The following TSPAN2 variants were observed in gnomAD, a reference collection of about 807,000 sequenced individuals.
The protein encoded by TSPAN2 is tetraspanin-2.
TSPAN2 carries 24 observed loss-of-function variants against 33.3 expected under a neutral mutation model. That is an observed-to-expected ratio of 0.72 (90% CI 0.52 to 1.01). TSPAN2 has a LOEUF of 1.01. Ranked by LOEUF, TSPAN2 falls within the 50% of genes least tolerant of loss-of-function variation. The pLI is 0.00. For missense variants in TSPAN2, 278 were observed against 281.3 expected, an observed-to-expected ratio of 0.99 and a Z score of 0.08; for synonymous variants, 114 against 104.5, an observed-to-expected ratio of 1.09 and a Z score of -0.56.
chr1:115,079,871 T>C (rs1474279370), intron 1 of TSPAN2, among the ~76,000 whole-genome samples: 1 of 152,228 alleles, frequency 6.6e-6, no homozygotes, highest in Non-Finnish European at 1.5e-5. Context: ...GAGTATATTT[T>C]ATAATTGACC....
Position 115,058,910 on chromosome 1 carries a change from A to G in TSPAN2, c.417T>C (p.Asn139=), listed in dbSNP as rs1209718546. The part of the protein sequence containing the change: ...NDYLKDRGKG[N]GTLITFHSTF... ...TTGAGTGGAAGGTGATGAGTGTCCC[A>G]TTGCCTTTTCCCCTGTCTTTAAGGT... The change falls in exon 5 of 8, where the codon AAT becomes AAC. Residue 139 remains asparagine (N), a synonymous_variant. Coordinates refer to ENST00000369516, the MANE Select transcript of TSPAN2 (RefSeq NM_005725.6). 6 of 1,613,814 alleles carry G rather than the reference A, an allele frequency of 3.7e-6. No homozygotes were observed. The highest frequency in any genetic ancestry group is 1.7e-5 in the Admixed American group (1 of 59,982).
At chr1:115,065,918 G>A (rs575748788) in intron 2 of TSPAN2, among the ~76,000 whole-genome samples, 4 of 151,860 alleles carry the variant, frequency 2.6e-5, no homozygotes, top group East Asian at 1.9e-4. Context: ...TACACTCTGC[G>A]GCCTCCAGTA....
intron 7 of TSPAN2, among the ~76,000 whole-genome samples, chr1:115,051,612 C>T (rs1181502720): frequency 6.6e-6 from 1 of 152,166 alleles, no homozygotes; most frequent in Non-Finnish European, 1.5e-5. Context: ...ACTGTCAATG[C>T]TTATTTTAAA....
chr1:115,072,271 T>C (rs1317502293), intron 2 of TSPAN2, among the ~76,000 whole-genome samples: 1 of 152,036 alleles, frequency 6.6e-6, no homozygotes, highest in Non-Finnish European at 1.5e-5. Flanking sequence ...CTATTGCCCC[T>C]TCCTGCTGGA....
intron 1 of TSPAN2, among the ~76,000 whole-genome samples, chr1:115,074,348 A>G (rs1353016433): frequency 3.3e-5 from 5 of 152,140 alleles, no homozygotes; most frequent in South Asian, 2.1e-4. Context: ...TTCTCCTTCT[A>G]TCTCCCAAGG....
At chr1:115,087,681 G>C (rs950035090) in intron 1 of TSPAN2, among the ~76,000 whole-genome samples, 2 of 151,406 alleles carry the variant, frequency 1.3e-5, no homozygotes, top group African/African-American at 4.9e-5. Flanking sequence ...CTCACTAGCT[G>C]TGTGATCTTA....
chr1:115,069,445 C>CATCT (rs1648078286), intron 2 of TSPAN2, among the ~76,000 whole-genome samples: 1 of 152,194 alleles, frequency 6.6e-6, no homozygotes, highest in African/African-American at 2.4e-5. Context: ...GCATTACATG[C>CATCT]ATCTGTTGGA....
chr1:115,072,884 T>G, intron 2 of TSPAN2, 21 bp downstream of exon 2: 1 of 1,586,634 alleles, frequency 6.3e-7, no homozygotes, highest in Non-Finnish European at 8.7e-7. Flanking sequence ...AGCTGGAGCT[T>G]AGGAAGCTGG....
Position 115,060,642 on chromosome 1 carries a change from G to A in TSPAN2, c.271-104C>T, listed in dbSNP as rs1356240044. ...GTAATGGCTGAATCGCTTTCATGTG[G>A]TTCATTCATTCATTCATTCATTCAG... On this transcript the variant is annotated intron_variant, in intron 3 of 7. Transcript: ENST00000369516. 2.5e-5 allele frequency: 21 copies of A among 824,104 alleles called. No homozygotes were observed. The Admixed American group carries it at 5.3e-4, about 21-fold the overall frequency. The allele number at this position is 824,104 out of a possible 1,614,324, so 51.0% of individuals were successfully genotyped here.
At chr1:115,054,614 A>G (rs1294939297) in intron 6 of TSPAN2, among the ~76,000 whole-genome samples, 2 of 152,152 alleles carry the variant, frequency 1.3e-5, no homozygotes, top group Admixed American at 6.5e-5. Flanking sequence ...CTTCAGTGCC[A>G]GGCATTGCTG....
chr1:115,053,023 G>T (rs949999534), intron 7 of TSPAN2, among the ~76,000 whole-genome samples: 1 of 152,136 alleles, frequency 6.6e-6, no homozygotes. Flanking sequence ...TCTTCAAATC[G>T]TAGGTGAGAG....
chr1:115,066,459 T>C (rs1357796331), intron 2 of TSPAN2, among the ~76,000 whole-genome samples: 2 of 152,232 alleles, frequency 1.3e-5, no homozygotes, highest in East Asian at 3.8e-4. Flanking sequence ...ATATGGAACA[T>C]GTTCCCAGGC....
At chr1:115,059,676 T>C (rs1647589067) in intron 4 of TSPAN2, among the ~76,000 whole-genome samples, 1 of 152,238 alleles carries the variant, frequency 6.6e-6, no homozygotes, top group African/African-American at 2.4e-5. Context: ...TGATTTCAAA[T>C]CCACAGATAT....
chr1:115,071,337 C>T (rs1008539737), intron 2 of TSPAN2, among the ~76,000 whole-genome samples: 6 of 152,154 alleles, frequency 3.9e-5, no homozygotes, highest in African/African-American at 9.7e-5. Flanking sequence ...CCCTATGAAG[C>T]GAAATTTGCT....
At chr1:115,052,806 A>C (rs1647228168) in intron 7 of TSPAN2, among the ~76,000 whole-genome samples, 1 of 152,202 alleles carries the variant, frequency 6.6e-6, no homozygotes, top group Non-Finnish European at 1.5e-5. Flanking sequence ...ATTTATATTA[A>C]TTTGTAATAC....
chr1:115,072,570 A>G (rs535863237), intron 2 of TSPAN2, among the ~76,000 whole-genome samples: 1 of 152,324 alleles, frequency 6.6e-6, no homozygotes, highest in Admixed American at 6.5e-5. Context: ...ATTCTTTGAA[A>G]TAAATTTTAG....
intron 2 of TSPAN2, among the ~76,000 whole-genome samples, chr1:115,069,983 A>C (rs1173262732): frequency 6.6e-6 from 1 of 152,234 alleles, no homozygotes; most frequent in Non-Finnish European, 1.5e-5. Context: ...GTATCTAATC[A>C]TAAAGGTTTT....
intron 1 of TSPAN2, among the ~76,000 whole-genome samples, chr1:115,076,225 T>C (rs1648406296): frequency 6.6e-6 from 1 of 152,120 alleles, no homozygotes; most frequent in Non-Finnish European, 1.5e-5. Context: ...CAGGCAGAGA[T>C]GGTAGTACAG....
chr1:115,052,971 T>C (rs1647245969), intron 7 of TSPAN2, among the ~76,000 whole-genome samples: 1 of 152,166 alleles, frequency 6.6e-6, no homozygotes, highest in South Asian at 2.1e-4. Context: ...CCAAACCATG[T>C]GATGCCAGAG....
Sources: allele counts gnomAD v4.1 joint callset (sites outside exome capture counted in the v4.1 genomes callset), GRCh38; gene constraint gnomAD v4.1.1; transcripts MANE v1.5; gene names NCBI Gene and HGNC (gene_info 2026-07-23, HGNC 2026-07-21).